Variants in ACSS3 observed in about 807,000 individuals in gnomAD.
ACSS3 encodes acyl-CoA synthetase short chain family member 3.
In ACSS3, 64 loss-of-function variants were observed where a neutral mutation model predicts 84.2. The ratio of observed to expected loss-of-function variants is 0.76; its 90% CI spans 0.62 to 0.94. ACSS3 has a LOEUF of 0.94. Ranked by LOEUF, ACSS3 falls within the 40% of genes least tolerant of loss-of-function variation. The pLI is 0.00. For missense variants in ACSS3, 815 were observed against 867.6 expected (o/e 0.94, Z 0.76); for synonymous variants, 317 against 310.1 (o/e 1.02, Z -0.23).
intron 12 of ACSS3, 115 bp from the exon 13 acceptor site, chr12:81,233,234 C>A: frequency 8.2e-7 from 1 of 1,223,942 alleles, no homozygotes; most frequent in Non-Finnish European, 1.1e-6. Flanking sequence ...TTACGAAAAA[C>A]GGCAAATGTT....
intron 2 of ACSS3, among the ~76,000 whole-genome samples, chr12:81,113,754 AT>A (rs1178853481): frequency 3.3e-5 from 5 of 152,136 alleles, no homozygotes; most frequent in African/African-American, 1.2e-4. Flanking sequence ...TTCCATTTCT[AT>A]CTGTGAAGGA....
intron 8 of ACSS3, among the ~76,000 whole-genome samples, chr12:81,181,334 A>G (rs2030906803): frequency 6.6e-6 from 1 of 152,202 alleles, no homozygotes; most frequent in Non-Finnish European, 1.5e-5. Context: ...CCCACCTAGT[A>G]CCAGAACAAC....
In ACSS3 at chr12:81,213,989, T is replaced by C. The variant is rs146713120; in HGVS notation, c.1355-2912T>C. ...TTTCTTTCTTTCTTTCTTTCTTTCT[T>C]TCTTTCTTTCTTTCTTTCATCTGTC... On this transcript the variant is annotated intron_variant, in intron 9 of 15. Transcript: ENST00000548058. 8.5e-4 allele frequency among the ~76,000 whole-genome samples: 54 copies of C among 63,166 alleles called. 1 individual carries two copies. Among genetic ancestry groups the C allele is most frequent in the Non-Finnish European group, 1.9e-3 (38 of 20,012 alleles). The allele number at this position is 63,166 out of a possible 152,430, so 41.4% of individuals were successfully genotyped here. A position where few individuals can be genotyped will look rare whatever the true frequency, so the allele number is the denominator to read the frequency against.
chr12:81,114,656 C>T (rs1351999983), intron 2 of ACSS3, among the ~76,000 whole-genome samples: 1 of 152,072 alleles, frequency 6.6e-6, no homozygotes, highest in African/African-American at 2.4e-5. Flanking sequence ...AAGTGTGTCT[C>T]TGTAAGTTAA....
Position 81,258,833 on chromosome 12 carries a change from T to C in ACSS3, c.*3911T>C, listed in dbSNP as rs1173045314. On this transcript the variant is annotated 3_prime_UTR_variant, in exon 16 of 16. Coordinates refer to ENST00000548058, the MANE Select transcript of ACSS3 (RefSeq NM_024560.4). ...GCATTTCAAGATATTTGAATGAACA[T>C]GTGGTTCTTAGTAAAGAAGTTTTTT... 3.9e-5 allele frequency: 6 copies of C among 152,208 alleles called. No individual in the cohort carries two copies. The highest frequency in any genetic ancestry group is 1.9e-4 in the East Asian group (1 of 5,182). 9.4% of individuals were successfully genotyped at this position (152,208 alleles called of 1,614,324 possible).
Position 81,136,664 on chromosome 12 carries a change from A to G in ACSS3, c.645+1660A>G, listed in dbSNP as rs150967105. The stretch of plus-strand genomic sequence containing the variant: ...GGTAAAATTCATTTGGAAGGACAGT[A>G]AGTAGACCAATGTGACTAAAAGGTG... On this transcript the variant is annotated intron_variant, in intron 3 of 15. Coordinates refer to ENST00000548058, the MANE Select transcript of ACSS3 (RefSeq NM_024560.4). Among the ~76,000 whole-genome samples, 12 of 152,272 alleles carry G rather than the reference A, an allele frequency of 7.9e-5. 1 individual carries two copies. Among genetic ancestry groups the G allele is most frequent in the African/African-American group, 2.9e-4 (12 of 41,572 alleles).
chr12:81,216,222 G>A (rs1486637587), intron 9 of ACSS3, among the ~76,000 whole-genome samples: 1 of 149,386 alleles, frequency 6.7e-6, no homozygotes, highest in Non-Finnish European at 1.5e-5. Context: ...AAATTTTAGG[G>A]TACGTGTGCA....
At chr12:81,174,129 C>T (rs1420682406) in intron 7 of ACSS3, among the ~76,000 whole-genome samples, 2 of 152,122 alleles carry the variant, frequency 1.3e-5, no homozygotes, top group Non-Finnish European at 2.9e-5. Flanking sequence ...TGCCTATTTT[C>T]CACTTTTCAG....
intron 1 of ACSS3, among the ~76,000 whole-genome samples, chr12:81,080,629 TC>T (rs1209145121): frequency 1.3e-5 from 2 of 152,118 alleles, no homozygotes; most frequent in Non-Finnish European, 2.9e-5. Context: ...TTTCAGTTAG[TC>T]AGTAGTTTCA....
chr12:81,078,392 C>A lies in ACSS3; in HGVS notation c.272C>A (p.Thr91Asn), dbSNP rs1295386278. Residue 91 changes from threonine (T) to asparagine (N), a missense_variant, in exon 1 of 16, where the codon ACC becomes AAC. Thr to Asn is a moderately conservative substitution (Grantham distance 65). Coordinates refer to ENST00000548058, the MANE Select transcript of ACSS3 (RefSeq NM_024560.4). ...CAGATCAGCTGGTACAAGCCCTGGA[C>A]CAAAACGCTGGAGAACAAACACTCG... ...AEQISWYKPWTKTLENKHSPS... is the reference protein window; with the variant it reads ...AEQISWYKPWNKTLENKHSPS... 12 of 1,612,570 alleles carry A rather than the reference C, an allele frequency of 7.4e-6. No homozygotes were observed. Among genetic ancestry groups the A allele is most frequent in the African/African-American group, 4.0e-5 (3 of 74,854 alleles).
At chr12:81,177,719 A>AC (rs1209543418) in intron 8 of ACSS3, among the ~76,000 whole-genome samples, 1 of 152,222 alleles carries the variant, frequency 6.6e-6, no homozygotes, top group Non-Finnish European at 1.5e-5. Context: ...AAAAATGCTC[A>AC]CCATCACTGG....
At chr12:81,185,553 A>T (rs2031209614) in intron 8 of ACSS3, among the ~76,000 whole-genome samples, 2 of 151,722 alleles carry the variant, frequency 1.3e-5, no homozygotes, top group South Asian at 4.1e-4. Context: ...TAATGATCTA[A>T]CTGAAAAGAA....
chr12:81,126,479 A>T (rs1885105816), intron 2 of ACSS3, among the ~76,000 whole-genome samples: 1 of 152,188 alleles, frequency 6.6e-6, no homozygotes, highest in Admixed American at 6.5e-5. Flanking sequence ...CTCTGTCCAC[A>T]ATGGCCTGTT....
At chr12:81,192,355 G>A (rs1191198112) in intron 8 of ACSS3, among the ~76,000 whole-genome samples, 3 of 152,118 alleles carry the variant, frequency 2.0e-5, no homozygotes, top group Non-Finnish European at 4.4e-5. Flanking sequence ...ACTGCAGCCC[G>A]GGCGACAGAG....
At position 81,139,209 on chromosome 12, in the gene ACSS3, C is replaced by G; in HGVS notation, c.724C>G (p.Leu242Val). ...VEYVPLVEEALKIGQHKPDKI... is the reference protein window; with the variant it reads ...VEYVPLVEEAVKIGQHKPDKI... ...GTACGTACCACTTGTAGAAGAAGCG[C>G]TAAAAATAGGACAACACAAACCAGA... The change falls in exon 4 of 16, where the codon CTA (leucine) becomes GTA (valine). Residue 242 changes from leucine (L) to valine (V), a missense_variant. By Grantham distance (32) the Leu-to-Val change is conservative. Coordinates refer to ENST00000548058, the MANE Select transcript of ACSS3 (RefSeq NM_024560.4). The G allele has an allele frequency of 6.2e-7, 1 of 1,613,950 alleles. No homozygotes were observed. Among genetic ancestry groups the G allele is most frequent in the Non-Finnish European group, 8.5e-7 (1 of 1,179,924 alleles).
intron 7 of ACSS3, among the ~76,000 whole-genome samples, chr12:81,155,960 T>C (rs2135766205): frequency 6.6e-6 from 1 of 152,292 alleles, no homozygotes; most frequent in East Asian, 1.9e-4. Context: ...CACATTCTTT[T>C]TAAATGCCCA....
At position 81,216,959 on chromosome 12, in the gene ACSS3, A is replaced by G; in HGVS notation, c.1413A>G (p.Pro471=). The G allele has an allele frequency of 6.2e-7, 1 of 1,611,494 alleles. No individual in the cohort carries two copies. The change falls in exon 10 of 16, where the codon CCA becomes CCG. Residue 471 remains proline (P), a synonymous_variant. Coordinates refer to ENST00000548058, the MANE Select transcript of ACSS3 (RefSeq NM_024560.4). ...GATTAGGCAATTCTAAAACACCTCC[A>G]CCAGGGCAAGCAGGAAAAAGCGTCC... ...CVGLGNSKTP[P]PGQAGKSVPG... is the part of the protein sequence containing the mutation.
intron 8 of ACSS3, among the ~76,000 whole-genome samples, chr12:81,189,633 T>A (rs148617966): frequency 2.5e-3 from 382 of 152,266 alleles, no homozygotes; most frequent in African/African-American, 9.0e-3. Context: ...TTATAAACAA[T>A]CTTCTCCAAC....
In ACSS3 at chr12:81,143,263, G is replaced by T; in HGVS notation, c.921+16G>T. 6.4e-7 allele frequency: 1 copy of T among 1,565,964 alleles called. No homozygotes were observed. The highest frequency in any genetic ancestry group is 1.7e-5 in the Admixed American group (1 of 58,182). ...GTTACCTAAGGTACTCACTCTCTTA[G>T]AGATAACTATCTATAGCAGTAGATT... On this transcript the variant is annotated intron_variant, in intron 5 of 15. Coordinates refer to ENST00000548058, the MANE Select transcript of ACSS3 (RefSeq NM_024560.4).
Sources: allele counts gnomAD v4.1 joint callset (sites outside exome capture counted in the v4.1 genomes callset), GRCh38; gene constraint gnomAD v4.1.1; transcripts MANE v1.5; gene names NCBI Gene and HGNC (gene_info 2026-07-23, HGNC 2026-07-21).